Variants in SYNDIG1 observed in about 807,000 individuals in gnomAD.
SYNDIG1 encodes synapse differentiation-inducing gene protein 1.
In SYNDIG1, 9 loss-of-function variants were observed where a neutral mutation model predicts 19.4. The ratio of observed to expected loss-of-function variants is 0.46; its 90% CI spans 0.28 to 0.81. The LOEUF (loss-of-function observed/expected upper bound fraction) is 0.81. Among genes scored for constraint, SYNDIG1 ranks in the 30% least tolerant of loss-of-function variants. The probability of loss-of-function intolerance (pLI) is 0.12; values close to 1 mark genes in which losing one functional copy is unlikely to be tolerated. For synonymous variants in SYNDIG1, 141 were observed against 145.9 expected, an observed-to-expected ratio of 0.97 and a Z score of 0.24; for missense variants, 311 against 343.3, an observed-to-expected ratio of 0.91 and a Z score of 0.74.
rs991178484 is a variant in SYNDIG1 at position 24,536,526 on chromosome 20, C to G, written c.-78-6494C>G. The stretch of plus-strand genomic sequence containing the variant: ...TCTCCCTGGGCATATTGGAGATAGC[C>G]TCAGGCCCCATAGCCACCTCTGTGT... On this transcript the variant is annotated intron_variant, in intron 1 of 3. Transcript: ENST00000376862. Among the ~76,000 whole-genome samples the G allele has an allele frequency of 5.3e-5, 8 of 152,142 alleles. No individual in the cohort carries two copies. The South Asian group carries it at 1.0e-3, about 20-fold the overall frequency.
chr20:24,588,258 C>G (rs1273601351), intron 3 of SYNDIG1, among the ~76,000 whole-genome samples: 5 of 152,230 alleles, frequency 3.3e-5, no homozygotes, highest in Non-Finnish European at 7.3e-5. Context: ...CCTGAGTTCT[C>G]CAGGTGCTGG....
At chr20:24,627,259 T>G (rs1174387639) in intron 3 of SYNDIG1, among the ~76,000 whole-genome samples, 1 of 152,122 alleles carries the variant, frequency 6.6e-6, no homozygotes, top group African/African-American at 2.4e-5. Flanking sequence ...GTAACTTAGA[T>G]GAAATTGACC....
At chr20:24,617,030 C>A (rs80203463) in intron 3 of SYNDIG1, among the ~76,000 whole-genome samples, 2 of 152,150 alleles carry the variant, frequency 1.3e-5, no homozygotes, top group Admixed American at 6.5e-5. Flanking sequence ...CAGCCCTCTG[C>A]GGCACCCGTG....
At chr20:24,599,262 G>A (rs539816927) in intron 3 of SYNDIG1, among the ~76,000 whole-genome samples, 13 of 152,114 alleles carry the variant, frequency 8.5e-5, no homozygotes, top group Non-Finnish European at 1.5e-4. Context: ...TCAGAAAAAT[G>A]CAAATCAAAA....
At position 24,665,791 on chromosome 20, in the gene SYNDIG1, G is replaced by A. The variant is rs551291728; in HGVS notation, c.*287G>A. On this transcript the variant is annotated 3_prime_UTR_variant, in exon 4 of 4. Transcript: ENST00000376862. ...TGGATTCTGGTGGATGAATGGCAAC[G>A]CGGCTCTCTGCAGCCTGCCAGTGCC... 1.0e-4 allele frequency: 43 copies of A among 428,304 alleles called. No homozygotes were observed. Among genetic ancestry groups the A allele is most frequent in the Middle Eastern group, 6.2e-4 (1 of 1,624 alleles). The allele number at this position is 428,304 out of a possible 1,614,324, so 26.5% of individuals were successfully genotyped here.
chr20:24,563,931 G>T (rs927437080), intron 2 of SYNDIG1, among the ~76,000 whole-genome samples: 1 of 152,062 alleles, frequency 6.6e-6, no homozygotes, highest in Non-Finnish European at 1.5e-5. Flanking sequence ...TGGTTGGGGG[G>T]ACAGATTTGA....
intron 1 of SYNDIG1, among the ~76,000 whole-genome samples, chr20:24,536,628 T>C (rs959150537): frequency 6.6e-6 from 1 of 152,084 alleles, no homozygotes; most frequent in African/African-American, 2.4e-5. Flanking sequence ...TGAACAGCCT[T>C]CCACACACAG....
chr20:24,515,459 C>T (rs1292147347), intron 1 of SYNDIG1, among the ~76,000 whole-genome samples: 2 of 152,102 alleles, frequency 1.3e-5, no homozygotes, highest in Non-Finnish European at 2.9e-5. Context: ...AGCCCAAAAT[C>T]TCCTTAAGCT....
At position 24,552,414 on chromosome 20, in the gene SYNDIG1, G is replaced by A. The variant is rs9753733; in HGVS notation, c.480+8837G>A. Among the ~76,000 whole-genome samples the A allele has an allele frequency of 6.9e-3, 1,043 of 152,092 alleles. 10 individuals carry two copies. The highest frequency in any genetic ancestry group is 0.023 in the African/African-American group (958 of 41,490). On this transcript the variant is annotated intron_variant, in intron 2 of 3. Transcript: ENST00000376862. ...GCTGGTGTGCTGCACCCATTAACTC[G>A]TCATTTAGCATTAGGTATATCACCT...
intron 1 of SYNDIG1, among the ~76,000 whole-genome samples, chr20:24,532,587 A>G (rs1421543257): frequency 6.6e-6 from 1 of 152,246 alleles, no homozygotes; most frequent in East Asian, 1.9e-4. Context: ...ATTTGGATGA[A>G]TTTCATGGCA....
chr20:24,608,943 T>C (rs1319025624), intron 3 of SYNDIG1, among the ~76,000 whole-genome samples: 2 of 152,220 alleles, frequency 1.3e-5, no homozygotes, highest in Non-Finnish European at 2.9e-5. Context: ...TGGACTCACA[T>C]GTATGTTGGT....
chr20:24,617,789 G>A (rs1218454023), intron 3 of SYNDIG1, among the ~76,000 whole-genome samples: 1 of 149,542 alleles, frequency 6.7e-6, no homozygotes, highest in Middle Eastern at 3.5e-3. Context: ...GGGAGAGCCC[G>A]GGAAGGGGGT....
chr20:24,551,198 C>G (rs1437369270), intron 2 of SYNDIG1, among the ~76,000 whole-genome samples: 1 of 152,124 alleles, frequency 6.6e-6, no homozygotes, highest in Non-Finnish European at 1.5e-5. Flanking sequence ...GTTTAAGTCT[C>G]TTGTTTTAAA....
At chr20:24,550,756 C>T (rs992880926) in intron 2 of SYNDIG1, among the ~76,000 whole-genome samples, 3 of 152,064 alleles carry the variant, frequency 2.0e-5, no homozygotes, top group East Asian at 1.9e-4. Context: ...GTGATCTGCC[C>T]GCCTCGGCCT....
intron 1 of SYNDIG1, among the ~76,000 whole-genome samples, chr20:24,492,907 T>A (rs548446341): frequency 1.3e-5 from 2 of 152,370 alleles, no homozygotes; most frequent in African/African-American, 4.8e-5. Context: ...CTGATGCACG[T>A]GATGCTGGGC....
chr20:24,547,415 T>C lies in SYNDIG1; in HGVS notation c.480+3838T>C, dbSNP rs117555814. ...TAACTTTGAGAATATTTATGGGAGG[T>C]TCTCAACTATTCGGCAAGTGTTTAT... On this transcript the variant is annotated intron_variant, in intron 2 of 3. Transcript: ENST00000376862. Among the ~76,000 whole-genome samples the C allele has an allele frequency of 4.0e-3, 608 of 152,146 alleles. 7 individuals are homozygous for C. The highest frequency in any genetic ancestry group is 3.9e-3 in the Non-Finnish European group (268 of 67,996).
intron 3 of SYNDIG1, among the ~76,000 whole-genome samples, chr20:24,664,724 C>A (rs1403488712): frequency 2.0e-5 from 3 of 152,116 alleles, no homozygotes; most frequent in Non-Finnish European, 4.4e-5. Context: ...TTTACTAACG[C>A]CAACCATGTC....
At chr20:24,607,622 G>C (rs912581982) in intron 3 of SYNDIG1, among the ~76,000 whole-genome samples, 1 of 152,110 alleles carries the variant, frequency 6.6e-6, no homozygotes, top group Non-Finnish European at 1.5e-5. Context: ...AGACGGCCTC[G>C]GGCTCCCCCT....
intron 1 of SYNDIG1, among the ~76,000 whole-genome samples, chr20:24,507,167 T>C (rs1476131666): frequency 6.6e-6 from 1 of 152,162 alleles, no homozygotes; most frequent in Non-Finnish European, 1.5e-5. Flanking sequence ...GAGTTACTGG[T>C]GGTCCATCCT....
Sources: gnomAD v4.1 joint callset for allele counts (sites outside exome capture counted in the v4.1 genomes callset) on GRCh38, gnomAD v4.1.1 for gene constraint, MANE v1.5 for transcripts, NCBI Gene and HGNC (gene_info 2026-07-23, HGNC 2026-07-21) for gene names.